Variants in SYNE3 observed in about 807,000 individuals in gnomAD.
SYNE3 encodes spectrin repeat containing nuclear envelope family member 3.
A neutral mutation model predicts 111.2 loss-of-function variants in SYNE3; 100 were observed. That is an observed-to-expected ratio of 0.90 (90% confidence interval 0.77 to 1.06). The LOEUF (loss-of-function observed/expected upper bound fraction) is 1.06. SYNE3 is among the 50% of genes least tolerant of loss of function. The probability of loss-of-function intolerance (pLI) is 0.00; values close to 1 mark genes in which losing one functional copy is unlikely to be tolerated. For missense variants in SYNE3, 1,160 were observed against 1,240.3 expected, an observed-to-expected ratio of 0.94 and a Z score of 0.97; for synonymous variants, 547 against 533.9, an observed-to-expected ratio of 1.02 and a Z score of -0.34.
intron 1 of SYNE3, among the ~76,000 whole-genome samples, chr14:95,479,135 C>T (rs893090206): frequency 7.3e-5 from 11 of 149,718 alleles, no homozygotes; most frequent in African/African-American, 2.7e-4. Flanking sequence ...TGGCTCATGC[C>T]TGTAATCCCA....
chr14:95,515,869 G>A (rs914221521), intron 1 of SYNE3, among the ~76,000 whole-genome samples: 2 of 152,214 alleles, frequency 1.3e-5, no homozygotes, highest in Non-Finnish European at 2.9e-5. Flanking sequence ...GGTCAGCTGG[G>A]CGGTGTAGGA....
At chr14:95,450,594 T>C (rs28483795) in intron 7 of SYNE3, 44,082 of 153,932 alleles carry the variant, frequency 0.29, 6,822 homozygotes, top group African/African-American at 0.42. Flanking sequence ...GGAGGATTGC[T>C]TGAGCCCAGG....
intron 4 of SYNE3, among the ~76,000 whole-genome samples, chr14:95,457,655 A>T (rs1196275290): frequency 6.6e-6 from 1 of 152,188 alleles, no homozygotes; most frequent in African/African-American, 2.4e-5. Context: ...CAGCAACAAC[A>T]TTAGCACGAC....
At chr14:95,493,294 T>C (rs1373372364) in intron 1 of SYNE3, among the ~76,000 whole-genome samples, 1 of 152,220 alleles carries the variant, frequency 6.6e-6, no homozygotes, top group Admixed American at 6.5e-5. Context: ...CAAGCATTTA[T>C]TAATGCACTT....
chr14:95,484,990 A>T (rs75815227), intron 1 of SYNE3, among the ~76,000 whole-genome samples: 1,793 of 152,232 alleles, frequency 0.012, 29 homozygotes, highest in Middle Eastern at 0.058. Context: ...ACTGGGGGCT[A>T]AGAATTTGCA....
rs1889492476 is a variant in SYNE3, at chr14:95,485,425, G to C, written c.-14-9590C>G. On this transcript the variant is annotated intron_variant, in intron 1 of 17. Transcript: ENST00000682763. This position sits in a 1 kb window ranked among gnomAD's most constrained non-coding sequence, Gnocchi z 4.3. Reference sequence around the variant, plus strand: ...ATCAATAGACCTGAGGCATTCACTTGAGAGTGAGAACGCACACATTCCTCA... The same window carrying C: ...ATCAATAGACCTGAGGCATTCACTTCAGAGTGAGAACGCACACATTCCTCA... Among the ~76,000 whole-genome samples the C allele has an allele frequency of 6.6e-6, 1 of 152,096 alleles. No homozygotes were observed. The highest frequency in any genetic ancestry group is 1.5e-5 in the Non-Finnish European group (1 of 68,032).
chr14:95,419,892 T>C lies in SYNE3; in HGVS notation c.2728-1866A>G, dbSNP rs535243552. ...ATGGTGATGGTGATGATGATGATAG[T>C]GATGGTGGTGGTGGTAGTGATGGTG... On this transcript the variant is annotated intron_variant, in intron 17 of 17. Transcript: ENST00000682763. Among the ~76,000 whole-genome samples, 294 of 69,266 alleles carry C rather than the reference T, an allele frequency of 4.2e-3. 1 individual carries two copies. The highest frequency in any genetic ancestry group is 7.9e-3 in the Middle Eastern group (1 of 126). 45.4% of individuals were successfully genotyped at this position (69,266 alleles called of 152,430 possible). A position where few individuals can be genotyped will look rare whatever the true frequency, so the allele number is the denominator to read the frequency against.
chr14:95,433,235 G>A (rs1885891273), intron 16 of SYNE3, 25 bp downstream of exon 16: 1 of 1,609,224 alleles, frequency 6.2e-7, no homozygotes. Context: ...CTGGAATCTG[G>A]GACCTGCACA....
chr14:95,462,559 G>A (rs539893915), intron 4 of SYNE3, among the ~76,000 whole-genome samples: 4 of 152,248 alleles, frequency 2.6e-5, no homozygotes, highest in East Asian at 3.9e-4. Flanking sequence ...CCCCATCACC[G>A]CTGTCTCCGC....
chr14:95,481,720 GC>G (rs1889266768), intron 1 of SYNE3, among the ~76,000 whole-genome samples: 1 of 152,218 alleles, frequency 6.6e-6, no homozygotes, highest in African/African-American at 2.4e-5. Flanking sequence ...AGATGTGTGG[GC>G]CCCCAGGCCA....
chr14:95,444,400 G>A, intron 10 of SYNE3, 85 bp downstream of exon 10: 1 of 1,481,374 alleles, frequency 6.8e-7, no homozygotes, highest in South Asian at 1.4e-5. Flanking sequence ...CTGTTGCTTT[G>A]CTGGTTACTG....
At chr14:95,493,822 C>A (rs1024019294) in intron 1 of SYNE3, among the ~76,000 whole-genome samples, 1 of 152,220 alleles carries the variant, frequency 6.6e-6, no homozygotes, top group African/African-American at 2.4e-5. Context: ...GTTTGGAATT[C>A]CGGTGAGGAA....
chr14:95,441,070 A>ACATAGCCTGCCATGAACCAGT (rs1305371884), intron 11 of SYNE3, among the ~76,000 whole-genome samples: 5 of 152,114 alleles, frequency 3.3e-5, no homozygotes, highest in African/African-American at 4.8e-5. Context: ...AGCTTTCTTT[A>ACATAGCCTGCCATGAACCAGT]CATAGCCTGC....
chr14:95,465,913 A>C lies in SYNE3; in HGVS notation c.627+18T>G, dbSNP rs761473898. 3.2e-6 allele frequency: 5 copies of C among 1,553,918 alleles called. No individual in the cohort carries two copies. Among genetic ancestry groups the C allele is most frequent in the Non-Finnish European group, 4.4e-6 (5 of 1,141,068 alleles). ...GGATGGGTGGGTGAGGATGTAGCCC[A>C]CTCAGCCTCACCCTCACCTGGGCCT... is the stretch of plus-strand genomic sequence containing the variant. On this transcript the variant is annotated intron_variant, in intron 4 of 17. Transcript: ENST00000682763.
chr14:95,469,531 C>CAAAA (rs71132350), intron 2 of SYNE3, among the ~76,000 whole-genome samples: 10 of 99,420 alleles, frequency 1.0e-4, no homozygotes, highest in East Asian at 4.6e-4. Flanking sequence ...CATGTCTCTA[C>CAAAA]AAAAAAAAAA....
At chr14:95,502,449 G>A (rs939153086) in intron 1 of SYNE3, among the ~76,000 whole-genome samples, 2 of 151,958 alleles carry the variant, frequency 1.3e-5, no homozygotes, top group Non-Finnish European at 2.9e-5. Flanking sequence ...CATCTTCCCC[G>A]GCTGGCTCCT....
rs1341621429 is a variant in SYNE3 at position 95,475,929 on chromosome 14, C to A, written c.-14-94G>T. 5 of 1,237,372 alleles carry A rather than the reference C, an allele frequency of 4.0e-6. No homozygotes were observed. In the Admixed American group the frequency reaches 1.5e-4, roughly 37 times the overall value. 76.6% of individuals were successfully genotyped at this position (1,237,372 alleles called of 1,614,324 possible). ...GACACCTGGGACAGGCCCACTCCCA[C>A]CACCAACCCTCCCCTGGTGCTCCCA... On this transcript the variant is annotated intron_variant, in intron 1 of 17. Coordinates refer to ENST00000682763, the MANE Select transcript of SYNE3 (RefSeq NM_152592.6).
intron 6 of SYNE3, among the ~76,000 whole-genome samples, chr14:95,452,848 A>C (rs533993548): frequency 9.2e-5 from 14 of 152,236 alleles, no homozygotes; most frequent in Non-Finnish European, 1.3e-4. Context: ...CGGACATCAG[A>C]GCAGGGCCTC....
chr14:95,447,322 G>C (rs750904884), intron 8 of SYNE3, among the ~76,000 whole-genome samples: 29 of 152,178 alleles, frequency 1.9e-4, no homozygotes, highest in Admixed American at 3.3e-4. Flanking sequence ...TTTTTTAGTA[G>C]AGACGGGGTT....
Sources: allele counts gnomAD v4.1 joint callset (sites outside exome capture counted in the v4.1 genomes callset), GRCh38; gene constraint gnomAD v4.1.1; non-coding constraint Gnocchi (gnomAD v3.1); transcripts MANE v1.5; gene names NCBI Gene and HGNC (gene_info 2026-07-23, HGNC 2026-07-21).